CHST15: variants seen among roughly 807,000 people sequenced by gnomAD.
CHST15 encodes B cell RAG associated protein (GALNAC4S-6ST).
A neutral mutation model predicts 53.6 loss-of-function variants in CHST15; 30 were observed. The ratio of observed to expected loss-of-function variants is 0.56; its 90% CI spans 0.42 to 0.76. The LOEUF is 0.76. CHST15 is among the 30% of genes least tolerant of loss of function. CHST15 has a pLI of 0.00. For missense variants in CHST15, 627 were observed against 740.5 expected (o/e 0.85, Z 1.78); for synonymous variants, 296 against 289.8 (o/e 1.02, Z -0.22).
At chr10:124,022,239 A>T (rs1417618581) in intron 5 of CHST15, among the ~76,000 whole-genome samples, 1 of 152,238 alleles carries the variant, frequency 6.6e-6, no homozygotes, top group East Asian at 1.9e-4. Flanking sequence ...GAGCTTCTGC[A>T]ATAGGCCCCC....
At chr10:124,090,732 G>A (rs113762890) in intron 1 of CHST15, among the ~76,000 whole-genome samples, 56 of 152,358 alleles carry the variant, frequency 3.7e-4, no homozygotes, top group African/African-American at 1.3e-3. Context: ...CACGGTGACC[G>A]TGCTGGGTCC....
chr10:124,062,775 G>C (rs1461574040), intron 1 of CHST15, among the ~76,000 whole-genome samples: 2 of 152,162 alleles, frequency 1.3e-5, no homozygotes, highest in African/African-American at 4.8e-5. Flanking sequence ...CCGAGGCTCT[G>C]ACAGTGAAGT....
At chr10:124,012,720 C>T (rs905519343) in intron 6 of CHST15, among the ~76,000 whole-genome samples, 9 of 152,190 alleles carry the variant, frequency 5.9e-5, no homozygotes, top group East Asian at 5.8e-4. Context: ...CTGTGGGTAG[C>T]GCCATGCCTC....
At chr10:124,012,794 A>G (rs886605261) in intron 6 of CHST15, among the ~76,000 whole-genome samples, 1 of 152,176 alleles carries the variant, frequency 6.6e-6, no homozygotes, top group African/African-American at 2.4e-5. Flanking sequence ...AATGGTGTAC[A>G]TGTTCCTCGC....
At position 124,036,702 on chromosome 10, in the gene CHST15, C is replaced by T. The variant is rs1947511940; in HGVS notation, c.1190+1813G>A. Among the ~76,000 whole-genome samples, 1 of 152,074 alleles carries T rather than the reference C, an allele frequency of 6.6e-6. No individual in the cohort carries two copies. The highest frequency in any genetic ancestry group is 2.4e-5 in the African/African-American group (1 of 41,384). ...CACACACTTATTTGCATAGAAAAGTCTGGAAGAAAATACACCAAAACATAA... is the reference window on the plus strand; with the variant it reads ...CACACACTTATTTGCATAGAAAAGTTTGGAAGAAAATACACCAAAACATAA... On this transcript the variant is annotated intron_variant, in intron 5 of 7. Coordinates refer to ENST00000435907, the MANE Select transcript of CHST15 (RefSeq NM_001270764.2). The surrounding 1 kb of genome is among the most constrained non-coding windows in gnomAD (Gnocchi z 5.1).
intron 1 of CHST15, among the ~76,000 whole-genome samples, chr10:124,052,366 C>T (rs901615353): frequency 6.6e-6 from 1 of 152,196 alleles, no homozygotes; most frequent in African/African-American, 2.4e-5. Context: ...GTTTTGATCA[C>T]ATCCCAGTCA....
intron 3 of CHST15, among the ~76,000 whole-genome samples, chr10:124,043,887 A>AGGAACAGCACAGAGCAGG (rs1318732080): frequency 3.0e-4 from 45 of 149,816 alleles, no homozygotes; most frequent in African/African-American, 8.8e-4. Context: ...CACAGAGCAG[A>AGGAACAGCACAGAGCAGG]GGAACAGCAC....
intron 1 of CHST15, among the ~76,000 whole-genome samples, chr10:124,070,018 GT>G (rs566204448): frequency 4.2e-4 from 64 of 152,164 alleles, no homozygotes; most frequent in Non-Finnish European, 8.8e-4. Context: ...AAATGGTGAT[GT>G]CCCCCCCAGC....
intron 1 of CHST15, among the ~76,000 whole-genome samples, chr10:124,086,717 G>GA (rs1384641833): frequency 7.2e-5 from 11 of 151,834 alleles, no homozygotes. Context: ...ACCTCACCCA[G>GA]AAAAAAGTGA....
At chr10:124,049,796 G>A (rs1198763503) in intron 1 of CHST15, among the ~76,000 whole-genome samples, 12 of 152,292 alleles carry the variant, frequency 7.9e-5, no homozygotes. Flanking sequence ...TGAACCTGAG[G>A]AGGTTGTGGG....
chr10:124,037,667 G>A (rs1007826549), intron 5 of CHST15, among the ~76,000 whole-genome samples: 6 of 152,142 alleles, frequency 3.9e-5, no homozygotes, highest in East Asian at 1.9e-4. Context: ...CAGCCAGGCC[G>A]CCCCATAGTG....
At chr10:124,063,754 A>G (rs1304179247) in intron 1 of CHST15, among the ~76,000 whole-genome samples, 4 of 152,198 alleles carry the variant, frequency 2.6e-5, no homozygotes, top group African/African-American at 9.6e-5. Context: ...TCTCCGGAGC[A>G]CAGCGAAGAC....
intron 5 of CHST15, among the ~76,000 whole-genome samples, 194 bp downstream of exon 5, chr10:124,038,321 G>C (rs1480675370): frequency 6.6e-6 from 1 of 152,036 alleles, no homozygotes; most frequent in Non-Finnish European, 1.5e-5. Context: ...GGCCAGGCTG[G>C]TCTTGAACTC....
chr10:124,015,213 A>AT lies in CHST15; in HGVS notation c.1348-2734dup, dbSNP rs888592829. On this transcript the variant is annotated intron_variant, in intron 6 of 7. Coordinates refer to ENST00000435907, the MANE Select transcript of CHST15 (RefSeq NM_001270764.2). ...ACAGGACAAAGACAGCCCCCAGCAG[A>AT]TTTTTTTTCCCCTCACCTTTTCCCG... 8.3e-4 allele frequency among the ~76,000 whole-genome samples: 127 copies of AT among 152,178 alleles called. 1 individual carries two copies. Among genetic ancestry groups the AT allele is most frequent in the African/African-American group, 2.9e-3 (119 of 41,528 alleles).
At chr10:124,013,065 G>A (rs929673982) in intron 6 of CHST15, among the ~76,000 whole-genome samples, 2 of 152,184 alleles carry the variant, frequency 1.3e-5, no homozygotes, top group African/African-American at 4.8e-5. Flanking sequence ...TCACCCTTCT[G>A]TTCCTTCTCT....
chr10:124,034,169 G>A (rs1417597684), intron 5 of CHST15, among the ~76,000 whole-genome samples: 1 of 152,210 alleles, frequency 6.6e-6, no homozygotes, highest in Non-Finnish European at 1.5e-5. Flanking sequence ...CCCAGCCTGT[G>A]GCAGGGGCTG....
intron 5 of CHST15, among the ~76,000 whole-genome samples, chr10:124,027,556 G>A (rs1238841063): frequency 3.3e-5 from 5 of 152,310 alleles, no homozygotes; most frequent in East Asian, 1.9e-4. Flanking sequence ...TGCTCCTCCC[G>A]CCAGGGCTCT....
chr10:124,086,249 C>T (rs1284984542), intron 1 of CHST15, among the ~76,000 whole-genome samples: 1 of 152,214 alleles, frequency 6.6e-6, no homozygotes, highest in African/African-American at 2.4e-5. Context: ...CTACCAAGTA[C>T]GTACCTAACA....
Position 124,008,644 on chromosome 10 carries a change from C to T in CHST15, c.*1505G>A. ...CACCAGCAGAAAGACGGCTGAACAA[C>T]TGCAGATCCTCCTACCCCCGAAGCC... On this transcript the variant is annotated 3_prime_UTR_variant, in exon 8 of 8. Coordinates refer to ENST00000435907, the MANE Select transcript of CHST15 (RefSeq NM_001270764.2). The T allele has an allele frequency of 3.9e-6, 4 of 1,033,504 alleles. No homozygotes were observed. The highest frequency in any genetic ancestry group is 3.5e-6 in the Non-Finnish European group (3 of 856,040). The allele number at this position is 1,033,504 out of a possible 1,614,324, so 64.0% of individuals were successfully genotyped here. A position where few individuals can be genotyped will look rare whatever the true frequency, so the allele number is the denominator to read the frequency against.
Sources: allele counts gnomAD v4.1 joint callset (sites outside exome capture counted in the v4.1 genomes callset), GRCh38; gene constraint gnomAD v4.1.1; non-coding constraint Gnocchi (gnomAD v3.1); transcripts MANE v1.5; gene names NCBI Gene and HGNC (gene_info 2026-07-23, HGNC 2026-07-21).